The following ACSBG2 variants were observed in gnomAD, a reference collection of about 807,000 sequenced individuals.
ACSBG2 encodes acyl-CoA synthetase bubblegum family member 2.
Under a neutral mutation model 74.7 loss-of-function variants are expected in ACSBG2, and 62 were observed. The ratio of observed to expected loss-of-function variants is 0.83; its 90% confidence interval spans 0.68 to 1.03. The LOEUF (loss-of-function observed/expected upper bound fraction) is 1.03. Ranked by LOEUF, ACSBG2 falls within the 50% of genes least tolerant of loss-of-function variation. The pLI is 0.00. For synonymous variants in ACSBG2, 309 were observed against 294.1 expected (o/e 1.05, Z -0.52); for missense variants, 730 against 817.6 (o/e 0.89, Z 1.31).
chr19:6,168,675 C>T (rs535479619), intron 7 of ACSBG2, among the ~76,000 whole-genome samples: 2 of 152,310 alleles, frequency 1.3e-5, no homozygotes, highest in South Asian at 4.1e-4. Context: ...ATTCTCCTAG[C>T]ACAGGCATTA....
At position 6,187,986 on chromosome 19, in the gene ACSBG2, G is replaced by A. The variant is rs116235362; in HGVS notation, c.1927+141G>A. 3.4e-4 allele frequency: 432 copies of A among 1,252,242 alleles called. No homozygotes were observed. The African/African-American group carries it at 5.5e-3, about 16-fold the overall frequency. The allele number at this position is 1,252,242 out of a possible 1,614,324, so 77.6% of individuals were successfully genotyped here. A position where few individuals can be genotyped will look rare whatever the true frequency, so the allele number is the denominator to read the frequency against. On this transcript the variant is annotated intron_variant, in intron 13 of 14. Coordinates refer to ENST00000588485, the MANE Select transcript of ACSBG2 (RefSeq NM_030924.5). ...CAGGAGAGGGAGGCTGCCACCTTCA[G>A]CTAACTGGTCCCCAGCTCCTCATCT...
At chr19:6,141,083 A>G (rs2088811140) in intron 1 of ACSBG2, among the ~76,000 whole-genome samples, 1 of 152,084 alleles carries the variant, frequency 6.6e-6, no homozygotes, top group Admixed American at 6.6e-5. Flanking sequence ...TGTTTGTGGT[A>G]TTCTTGGCCA....
intron 6 of ACSBG2, among the ~76,000 whole-genome samples, chr19:6,163,121 AAATAAT>A (rs71917482): frequency 0.077 from 9,451 of 122,650 alleles, 489 homozygotes; most frequent in African/African-American, 0.14. Flanking sequence ...CTAAAAATAC[AAATAAT>A]AATAATAATA....
chr19:6,173,937 ATTTTTT>A (rs56905660), intron 7 of ACSBG2, among the ~76,000 whole-genome samples: 3 of 131,010 alleles, frequency 2.3e-5, no homozygotes, highest in African/African-American at 8.5e-5. Flanking sequence ...CTCTTGAACT[ATTTTTT>A]TTTTTTTTTT....
At chr19:6,160,897 C>A (rs906689825) in intron 5 of ACSBG2, 1 of 185,516 alleles carries the variant, frequency 5.4e-6, no homozygotes, top group South Asian at 1.1e-4. Context: ...GTCAGGAGTT[C>A]GAGACCAGCC....
chr19:6,164,546 C>T (rs2089735930), intron 6 of ACSBG2, among the ~76,000 whole-genome samples: 1 of 151,968 alleles, frequency 6.6e-6, no homozygotes, highest in African/African-American at 2.4e-5. Flanking sequence ...GATTCTCCTG[C>T]CTCAGCATCC....
At chr19:6,190,404 G>T in intron 13 of ACSBG2, 180 bp from the exon 14 acceptor site, 1 of 571,604 alleles carries the variant, frequency 1.7e-6, no homozygotes, top group Non-Finnish European at 3.2e-6. Flanking sequence ...ACAGCTGAAG[G>T]ATCACATGGA....
intron 7 of ACSBG2, 62 bp from the exon 8 acceptor site, chr19:6,177,167 T>C: frequency 1.3e-6 from 2 of 1,565,342 alleles, no homozygotes; most frequent in South Asian, 2.3e-5. Flanking sequence ...TAAATAAAAA[T>C]TTAAAAATAA....
At chr19:6,179,016 G>A (rs1391705835) in intron 8 of ACSBG2, among the ~76,000 whole-genome samples, 1 of 152,200 alleles carries the variant, frequency 6.6e-6, no homozygotes, top group Non-Finnish European at 1.5e-5. Context: ...AGGCATCCAT[G>A]TGGGATAGGG....
intron 8 of ACSBG2, among the ~76,000 whole-genome samples, chr19:6,179,214 C>G (rs2090173926): frequency 6.6e-6 from 1 of 151,316 alleles, no homozygotes; most frequent in African/African-American, 2.4e-5. Flanking sequence ...TTGGATTATT[C>G]CTTGATTTAG....
intron 13 of ACSBG2, among the ~76,000 whole-genome samples, chr19:6,189,394 G>A (rs1164080425): frequency 1.3e-5 from 2 of 152,154 alleles, no homozygotes; most frequent in Admixed American, 6.5e-5. Flanking sequence ...TTTCATTTGC[G>A]AGTTTGCTGT....
At chr19:6,141,025 A>AAATCAAGCTT (rs2088808266) in intron 1 of ACSBG2, among the ~76,000 whole-genome samples, 1 of 151,956 alleles carries the variant, frequency 6.6e-6, no homozygotes, top group South Asian at 2.1e-4. Context: ...TATACTTTGG[A>AAATCAAGCTT]TGTATTGTCC....
intron 1 of ACSBG2, among the ~76,000 whole-genome samples, chr19:6,139,698 A>T (rs1599977166): frequency 6.6e-6 from 1 of 152,204 alleles, no homozygotes; most frequent in East Asian, 1.9e-4. Flanking sequence ...ATAAATGTTG[A>T]CCAACAATTT....
At position 6,145,522 on chromosome 19, in the gene ACSBG2, T is replaced by C. The variant is rs1056281544; in HGVS notation, c.68-1924T>C. Reference sequence around the variant, plus strand: ...TACTCTACCATTGCCATCTACCACCTCCCCAGTAGACCAGGTTCAGTTGAA... The same window carrying C: ...TACTCTACCATTGCCATCTACCACCCCCCCAGTAGACCAGGTTCAGTTGAA... On this transcript the variant is annotated intron_variant, in intron 2 of 14. Coordinates refer to ENST00000588485, the MANE Select transcript of ACSBG2 (RefSeq NM_030924.5). Among the ~76,000 whole-genome samples, 5 of 151,458 alleles carry C rather than the reference T, an allele frequency of 3.3e-5. No individual in the cohort carries two copies. In the South Asian group the frequency reaches 6.3e-4, roughly 19 times the overall value.
chr19:6,143,959 GTTGTTGTTTGGTT>G (rs1027838823), intron 2 of ACSBG2, among the ~76,000 whole-genome samples: 54 of 119,116 alleles, frequency 4.5e-4, no homozygotes, highest in African/African-American at 1.5e-3. Context: ...TGGTTTTTTT[GTTGTTGTTTGGTT>G]TTGTTGTTGT....
chr19:6,145,609 C>T (rs538308297), intron 2 of ACSBG2, among the ~76,000 whole-genome samples: 3 of 152,182 alleles, frequency 2.0e-5, no homozygotes, highest in South Asian at 2.1e-4. Flanking sequence ...CTCACTTGCC[C>T]GTTACTGGGT....
At chr19:6,166,280 TTG>T (rs35422900) in intron 7 of ACSBG2, among the ~76,000 whole-genome samples, 13,491 of 118,852 alleles carry the variant, frequency 0.11, 686 homozygotes, top group African/African-American at 0.14. Context: ...GTCAGGAAGG[TTG>T]TGTGTGTGTG....
chr19:6,150,593 CA>C (rs1337992762), intron 3 of ACSBG2, among the ~76,000 whole-genome samples: 4 of 152,120 alleles, frequency 2.6e-5, no homozygotes, highest in Non-Finnish European at 4.4e-5. Context: ...AAGCCAGACA[CA>C]AAAGGGCAAA....
intron 11 of ACSBG2, among the ~76,000 whole-genome samples, chr19:6,186,602 C>G (rs1418794075): frequency 6.6e-6 from 1 of 152,166 alleles, no homozygotes; most frequent in Non-Finnish European, 1.5e-5. Flanking sequence ...CTGAAAAGGT[C>G]AGTTGGCCAA....
Sources: allele counts gnomAD v4.1 joint callset (sites outside exome capture counted in the v4.1 genomes callset), GRCh38; gene constraint gnomAD v4.1.1; transcripts MANE v1.5; gene names NCBI Gene and HGNC (gene_info 2026-07-23, HGNC 2026-07-21).